RGS13: variants seen among roughly 807,000 people sequenced by gnomAD.
RGS13 encodes regulator of G-protein signalling 13.
In RGS13, 14 loss-of-function variants were observed where a neutral mutation model predicts 19.9. That is an observed-to-expected ratio of 0.70 (90% CI 0.46 to 1.10). RGS13 has a LOEUF of 1.10. Among genes scored for constraint, RGS13 ranks in the 50% least tolerant of loss-of-function variants. The probability of loss-of-function intolerance (pLI) is 0.00; values close to 1 mark genes in which losing one functional copy is unlikely to be tolerated. For missense variants in RGS13, 205 were observed against 187.1 expected (o/e 1.10, Z -0.56); for synonymous variants, 60 against 56.8 (o/e 1.06, Z -0.25).
intron 3 of RGS13, 83 bp from the exon 4 acceptor site, chr1:192,644,248 A>G (rs60434338): frequency 0.018 from 17,729 of 977,076 alleles, 760 homozygotes; most frequent in East Asian, 0.11. Flanking sequence ...GATTTATAAT[A>G]TTGTATGTTC....
chr1:192,639,793 C>A (rs1379678323), intron 3 of RGS13, among the ~76,000 whole-genome samples: 1 of 152,156 alleles, frequency 6.6e-6, no homozygotes, highest in Non-Finnish European at 1.5e-5. Context: ...GGCCCCAGAA[C>A]TATTTGAATA....
intron 5 of RGS13, among the ~76,000 whole-genome samples, chr1:192,655,235 T>C (rs1227340754): frequency 6.6e-6 from 1 of 152,114 alleles, no homozygotes; most frequent in Admixed American, 6.6e-5. Context: ...CAGAATTCTG[T>C]AAAGTATGCC....
At chr1:192,640,009 G>C (rs993906996) in intron 3 of RGS13, among the ~76,000 whole-genome samples, 2 of 152,000 alleles carry the variant, frequency 1.3e-5, no homozygotes, top group African/African-American at 4.8e-5. Flanking sequence ...CACAATAAAA[G>C]GTCTGAAAAT....
intron 4 of RGS13, 58 bp downstream of exon 4, chr1:192,644,457 A>AT: frequency 7.8e-7 from 1 of 1,275,486 alleles, no homozygotes; most frequent in Non-Finnish European, 1.1e-6. Context: ...GATGATAAAT[A>AT]GGTACATATT....
chr1:192,645,866 AGAACTCTC>A (rs946836711), intron 4 of RGS13: 10 of 152,152 alleles, frequency 6.6e-5, no homozygotes, highest in African/African-American at 2.4e-4. Flanking sequence ...TAGAGACAAA[AGAACTCTC>A]TTACCAACAA....
chr1:192,645,649 A>G (rs1663206283), intron 4 of RGS13: 1 of 152,148 alleles, frequency 6.6e-6, no homozygotes, highest in Non-Finnish European at 1.5e-5. Flanking sequence ...GAGGGGACAC[A>G]AGGGAGAACT....
intron 3 of RGS13, among the ~76,000 whole-genome samples, chr1:192,640,209 T>C (rs536155737): frequency 1.3e-5 from 2 of 152,266 alleles, no homozygotes; most frequent in African/African-American, 2.4e-5. Context: ...CTGCGAGTCA[T>C]TGTGTAACTA....
At chr1:192,640,410 T>C (rs979089202) in intron 3 of RGS13, among the ~76,000 whole-genome samples, 5 of 152,194 alleles carry the variant, frequency 3.3e-5, no homozygotes, top group African/African-American at 9.6e-5. Context: ...AAAAGGTTTT[T>C]ATTTTCATCA....
At chr1:192,640,797 A>C (rs1367041654) in intron 3 of RGS13, among the ~76,000 whole-genome samples, 1 of 152,114 alleles carries the variant, frequency 6.6e-6, no homozygotes, top group Admixed American at 6.6e-5. Flanking sequence ...GTTACAAGAG[A>C]ATAGTAACTA....
At chr1:192,657,671 CATCT>C (rs904221937) in intron 5 of RGS13, among the ~76,000 whole-genome samples, 1 of 152,120 alleles carries the variant, frequency 6.6e-6, no homozygotes, top group African/African-American at 2.4e-5. Context: ...TTGAATTCTT[CATCT>C]ATCTGTGTTC....
At chr1:192,655,644 A>G (rs1663424439) in intron 5 of RGS13, among the ~76,000 whole-genome samples, 1 of 152,068 alleles carries the variant, frequency 6.6e-6, no homozygotes. Flanking sequence ...TAATCCCCCT[A>G]CACAAAGGTC....
chr1:192,642,048 C>T (rs139329560), intron 3 of RGS13, among the ~76,000 whole-genome samples: 1 of 152,238 alleles, frequency 6.6e-6, no homozygotes, highest in East Asian at 1.9e-4. Flanking sequence ...GGCCACACTG[C>T]CATTCATTCT....
chr1:192,658,133 C>A lies in RGS13; in HGVS notation c.128-68C>A, dbSNP rs1663477372. On this transcript the variant is annotated intron_variant, in intron 5 of 6. Coordinates refer to ENST00000391995, the MANE Select transcript of RGS13 (RefSeq NM_002927.5). ...AGTTTTTAATCAGGCTTTTTTTTAA[C>A]TGTATTGCTTAGATTTTTTTGGTGA... 4 of 1,110,544 alleles carry A rather than the reference C, an allele frequency of 3.6e-6. No individual in the cohort carries two copies. In the East Asian group the frequency reaches 7.3e-5, roughly 20 times the overall value. 68.8% of individuals were successfully genotyped at this position (1,110,544 alleles called of 1,614,324 possible).
At chr1:192,653,387 A>C (rs1053317239) in intron 5 of RGS13, among the ~76,000 whole-genome samples, 2 of 152,132 alleles carry the variant, frequency 1.3e-5, no homozygotes, top group African/African-American at 4.8e-5. Context: ...ATGAAAAATA[A>C]TGAAATCCTT....
intron 5 of RGS13, among the ~76,000 whole-genome samples, chr1:192,652,960 A>G (rs1004969524): frequency 1.3e-5 from 2 of 152,076 alleles, no homozygotes; most frequent in Non-Finnish European, 2.9e-5. Context: ...TGAGGGGGAT[A>G]AATAATAGAT....
At chr1:192,648,074 G>A (rs753536173) in intron 5 of RGS13, 87 bp downstream of exon 5, 4 of 867,662 alleles carry the variant, frequency 4.6e-6, no homozygotes, top group Non-Finnish European at 7.2e-6. Context: ...ATGAATGTAT[G>A]CTATTCTTCT....
intron 3 of RGS13, among the ~76,000 whole-genome samples, chr1:192,641,253 GA>G (rs67669591): frequency 0.52 from 39,566 of 76,762 alleles, 9,524 homozygotes; most frequent in East Asian, 0.63. Flanking sequence ...AGAAAAGAAA[GA>G]AAAGAAAGAA....
chr1:192,656,467 C>T (rs1264980665), intron 5 of RGS13, among the ~76,000 whole-genome samples: 2 of 151,860 alleles, frequency 1.3e-5, no homozygotes, highest in Non-Finnish European at 2.9e-5. Context: ...CCTTTCTGTG[C>T]CTATGGTGAG....
At chr1:192,657,255 A>G (rs1663458492) in intron 5 of RGS13, among the ~76,000 whole-genome samples, 1 of 152,160 alleles carries the variant, frequency 6.6e-6, no homozygotes, top group Admixed American at 6.6e-5. Context: ...ATCATATAGC[A>G]ATCCAATTCC....
Sources: gnomAD v4.1 joint callset for allele counts (sites outside exome capture counted in the v4.1 genomes callset) on GRCh38, gnomAD v4.1.1 for gene constraint, MANE v1.5 for transcripts, NCBI Gene and HGNC (gene_info 2026-07-23, HGNC 2026-07-21) for gene names.